LIMCH1: variants seen among roughly 807,000 people sequenced by gnomAD.
LIMCH1 encodes LIM and calponin homology domains 1.
In LIMCH1, 113 loss-of-function variants were observed where a neutral mutation model predicts 176.5. The observed-to-expected ratio is 0.64, with a 90% CI of 0.55 to 0.75. The LOEUF (loss-of-function observed/expected upper bound fraction) is 0.75, where lower values mean the gene tolerates loss of function less well. Ranked by LOEUF, LIMCH1 falls within the 30% of genes least tolerant of loss-of-function variation. The pLI is 0.00. For missense variants in LIMCH1, 1,674 were observed against 1,814.9 expected, an observed-to-expected ratio of 0.92 and a Z score of 1.41; for synonymous variants, 619 against 645.9, an observed-to-expected ratio of 0.96 and a Z score of 0.63.
At chr4:41,505,925 G>GACACAC (rs36212568) in intron 2 of LIMCH1, among the ~76,000 whole-genome samples, 5,538 of 134,572 alleles carry the variant, frequency 0.041, 130 homozygotes, top group African/African-American at 0.055. Flanking sequence ...CTGTGTTTCT[G>GACACAC]ACACACACAC....
At chr4:41,460,798 G>A (rs146809548) in intron 1 of LIMCH1, among the ~76,000 whole-genome samples, 18 of 152,176 alleles carry the variant, frequency 1.2e-4, no homozygotes, top group Admixed American at 3.3e-4. Flanking sequence ...TTCAGTGGGT[G>A]TAGTTGACGG....
At chr4:41,588,805 TG>T (rs2086947175) in intron 1 of LIMCH1, among the ~76,000 whole-genome samples, 1 of 152,122 alleles carries the variant, frequency 6.6e-6, no homozygotes, top group African/African-American at 2.4e-5. Context: ...CCTGTCTTCG[TG>T]GAACGGAAAT....
chr4:41,596,447 T>C (rs893481766), intron 1 of LIMCH1, among the ~76,000 whole-genome samples: 1 of 152,156 alleles, frequency 6.6e-6, no homozygotes, highest in Non-Finnish European at 1.5e-5. Context: ...GTCCGTGTGA[T>C]AACAAAGTTA....
rs1718966828 is a variant in LIMCH1 at position 41,684,497 on chromosome 4, A to G, written c.3946A>G (p.Thr1316Ala). The change falls in exon 27 of 32, where the codon ACA (threonine) becomes GCA (alanine). Residue 1316 changes from threonine (T) to alanine (A), a missense_variant. Physicochemically the swap from Thr to Ala is moderately conservative, Grantham distance 58. Coordinates refer to ENST00000503057, the MANE Select transcript of LIMCH1 (RefSeq NM_001330672.2). ...DTEAGAPHCG[T>A]NPQLAQDPSQ... Reference sequence around the variant, plus strand: ...CGAGGCTGGGGCCCCACACTGTGGAACAAACCCACAGCTTGCTCAGGGTAA... The same window carrying G: ...CGAGGCTGGGGCCCCACACTGTGGAGCAAACCCACAGCTTGCTCAGGGTAA... The G allele has an allele frequency of 6.2e-7, 1 of 1,613,644 alleles. No homozygotes were observed. The highest frequency in any genetic ancestry group is 8.5e-7 in the Non-Finnish European group (1 of 1,179,754).
At chr4:41,586,417 T>G (rs2086484308) in intron 1 of LIMCH1, among the ~76,000 whole-genome samples, 1 of 152,112 alleles carries the variant, frequency 6.6e-6, no homozygotes, top group African/African-American at 2.4e-5. Context: ...GCCTAAATGC[T>G]TATTTTCAAT....
chr4:41,525,832 T>A (rs1487905602), intron 3 of LIMCH1, among the ~76,000 whole-genome samples: 1 of 152,192 alleles, frequency 6.6e-6, no homozygotes, highest in Non-Finnish European at 1.5e-5. Context: ...ATGATCCTGA[T>A]GAACATCTGT....
intron 1 of LIMCH1, among the ~76,000 whole-genome samples, chr4:41,575,466 A>T (rs1327770835): frequency 6.6e-6 from 1 of 152,200 alleles, no homozygotes; most frequent in African/African-American, 2.4e-5. Flanking sequence ...CTGTTTCATC[A>T]TGCGGATATG....
chr4:41,569,361 G>T (rs1450522087), intron 1 of LIMCH1, among the ~76,000 whole-genome samples: 1 of 152,178 alleles, frequency 6.6e-6, no homozygotes, highest in Non-Finnish European at 1.5e-5. Flanking sequence ...CGTAAAACCT[G>T]TAGTATGGAG....
chr4:41,381,640 C>T (rs1481998915), intron 1 of LIMCH1, among the ~76,000 whole-genome samples: 2 of 152,126 alleles, frequency 1.3e-5, no homozygotes, highest in Non-Finnish European at 2.9e-5. Flanking sequence ...TGATGAGGTG[C>T]CTGTTCCAAG....
At chr4:41,537,342 A>G (rs939229835), upstream of LIMCH1, among the ~76,000 whole-genome samples, 1 of 152,254 alleles carries the variant, frequency 6.6e-6, no homozygotes, top group Non-Finnish European at 1.5e-5. Flanking sequence ...TAGAATCTGC[A>G]GAAAGAAATA....
chr4:41,394,158 G>T (rs1024440207), intron 1 of LIMCH1, among the ~76,000 whole-genome samples: 2 of 152,080 alleles, frequency 1.3e-5, no homozygotes, highest in South Asian at 2.1e-4. Flanking sequence ...GGCCAAAATT[G>T]GTTCTGTTTT....
At chr4:41,384,257 T>A (rs1407521171) in intron 1 of LIMCH1, among the ~76,000 whole-genome samples, 1 of 151,500 alleles carries the variant, frequency 6.6e-6, no homozygotes, top group African/African-American at 2.4e-5. Flanking sequence ...CAGGCTGGAG[T>A]GCAGTGGTGC....
At chr4:41,503,002 C>T (rs60037158) in intron 2 of LIMCH1, among the ~76,000 whole-genome samples, 9,954 of 74,200 alleles carry the variant, frequency 0.13, 575 homozygotes, top group African/African-American at 0.43. Context: ...TCTGTCTGTC[C>T]ATCCATCCAT....
intron 1 of LIMCH1, among the ~76,000 whole-genome samples, chr4:41,581,824 A>AAAAC (rs2085521560): frequency 6.8e-6 from 1 of 147,732 alleles, no homozygotes; most frequent in Non-Finnish European, 1.5e-5. Flanking sequence ...AAAAAAAAAA[A>AAAAC]AAAAAACAAC....
intron 5 of LIMCH1, among the ~76,000 whole-genome samples, chr4:41,616,052 G>T (rs1313347382): frequency 6.6e-6 from 1 of 152,114 alleles, no homozygotes; most frequent in Non-Finnish European, 1.5e-5. Flanking sequence ...CACTTAATGG[G>T]CTTCATTGAA....
intron 20 of LIMCH1, among the ~76,000 whole-genome samples, chr4:41,665,698 C>T (rs2094799065): frequency 6.6e-6 from 1 of 152,120 alleles, no homozygotes; most frequent in Non-Finnish European, 1.5e-5. Context: ...CAGCCACGCT[C>T]CTCATTCAGA....
chr4:41,566,792 CT>C (rs2082836573), intron 1 of LIMCH1, among the ~76,000 whole-genome samples: 1 of 152,126 alleles, frequency 6.6e-6, no homozygotes, highest in Non-Finnish European at 1.5e-5. Context: ...CCCATTAAAG[CT>C]GGGAATAAAC....
intron 8 of LIMCH1, among the ~76,000 whole-genome samples, chr4:41,628,621 A>G (rs1387264652): frequency 6.6e-6 from 1 of 152,122 alleles, no homozygotes; most frequent in East Asian, 1.9e-4. Flanking sequence ...GGCTCTATTT[A>G]TATATTTTTT....
At chr4:41,524,538 T>C (rs2076432857) in intron 3 of LIMCH1, 1 of 1,205,362 alleles carries the variant, frequency 8.3e-7, no homozygotes, top group Admixed American at 1.7e-5. Flanking sequence ...CTAGGGGTCA[T>C]GACAGCACCA....
Sources: gnomAD v4.1 joint callset for allele counts (sites outside exome capture counted in the v4.1 genomes callset) on GRCh38, gnomAD v4.1.1 for gene constraint, MANE v1.5 for transcripts, NCBI Gene and HGNC (gene_info 2026-07-23, HGNC 2026-07-21) for gene names.